Variants in PTPRN2 observed in about 807,000 individuals in gnomAD.
PTPRN2 encodes receptor-type tyrosine-protein phosphatase N2.
Under a neutral mutation model 118.8 loss-of-function variants are expected in PTPRN2, and 74 were observed. That is an observed-to-expected ratio of 0.62 (90% CI 0.52 to 0.76). The LOEUF is 0.76. Among genes scored for constraint, PTPRN2 ranks in the 30% least tolerant of loss-of-function variants. The pLI, the probability that PTPRN2 is intolerant of heterozygous loss-of-function variation, is 0.00. For synonymous variants in PTPRN2, 641 were observed against 608.0 expected (o/e 1.05, Z -0.80); for missense variants, 1,481 against 1,394.4 (o/e 1.06, Z -0.99).
intron 5 of PTPRN2, among the ~76,000 whole-genome samples, chr7:158,168,924 G>C (rs1484516917): frequency 6.6e-6 from 1 of 152,178 alleles, no homozygotes; most frequent in African/African-American, 2.4e-5. Context: ...ATAATTTCCA[G>C]CTTAGAGACT....
At chr7:158,519,820 C>A (rs1355519916) in intron 1 of PTPRN2, among the ~76,000 whole-genome samples, 1 of 152,154 alleles carries the variant, frequency 6.6e-6, no homozygotes, top group Non-Finnish European at 1.5e-5. Flanking sequence ...CCAATGCCTC[C>A]CCCATGGCAT....
chr7:158,050,512 C>A (rs1053695120), intron 11 of PTPRN2, among the ~76,000 whole-genome samples: 8 of 152,226 alleles, frequency 5.3e-5, no homozygotes, highest in African/African-American at 1.9e-4. Flanking sequence ...GGCATCCAGA[C>A]AGTCCTCTGG....
intron 12 of PTPRN2, among the ~76,000 whole-genome samples, chr7:157,762,518 C>A (rs189888831): frequency 3.4e-5 from 5 of 146,550 alleles, no homozygotes; most frequent in African/African-American, 1.3e-4. Context: ...ACCGCATATT[C>A]TCACTCATAG....
rs1796399319 is a variant in PTPRN2, at chr7:157,671,330, A to G, written c.2001+11395T>C. On this transcript the variant is annotated intron_variant, in intron 13 of 22. Transcript: ENST00000389418. This position sits in a 1 kb window ranked among gnomAD's most constrained non-coding sequence, Gnocchi z 4.1. ...CTGCCTCCATCCAACACAATGAGGA[A>G]GTCACCCTACACTGGAGGGATGGTG... is the stretch of plus-strand genomic sequence containing the variant. 6.6e-6 allele frequency among the ~76,000 whole-genome samples: 1 copy of G among 152,126 alleles called. No homozygotes were observed. Among genetic ancestry groups the G allele is most frequent in the South Asian group, 2.1e-4 (1 of 4,824 alleles).
intron 9 of PTPRN2, among the ~76,000 whole-genome samples, chr7:158,121,011 G>A (rs1817127404): frequency 2.6e-5 from 4 of 152,120 alleles, no homozygotes; most frequent in Admixed American, 2.0e-4. Context: ...CTCCTGGCAG[G>A]CAAGTGCGAT....
chr7:157,634,901 A>G (rs1199225227), intron 14 of PTPRN2, among the ~76,000 whole-genome samples: 2 of 152,254 alleles, frequency 1.3e-5, no homozygotes, highest in Admixed American at 1.3e-4. Flanking sequence ...GTCCTTGGAC[A>G]CCGCGTGTGG....
At chr7:157,919,815 C>A (rs1236227297) in intron 11 of PTPRN2, among the ~76,000 whole-genome samples, 1 of 152,226 alleles carries the variant, frequency 6.6e-6, no homozygotes, top group East Asian at 1.9e-4. Context: ...ACCACATACA[C>A]CCACAAGTGG....
At position 158,155,763 on chromosome 7, in the gene PTPRN2, T is replaced by C. The variant is rs80126477; in HGVS notation, c.910+11168A>G. ...ACCATCATCACCATCACCATCATCA[T>C]CACCATCAACACTATCATTACCATC... On this transcript the variant is annotated intron_variant, in intron 6 of 22. Coordinates refer to ENST00000389418, the MANE Select transcript of PTPRN2 (RefSeq NM_002847.5). Among the ~76,000 whole-genome samples the C allele has an allele frequency of 2.4e-3, 285 of 120,838 alleles. 1 individual carries two copies. The highest frequency in any genetic ancestry group is 4.6e-3 in the Middle Eastern group (1 of 218). 79.3% of individuals were successfully genotyped at this position (120,838 alleles called of 152,430 possible).
At chr7:158,268,635 A>G (rs1798068186) in intron 3 of PTPRN2, among the ~76,000 whole-genome samples, 1 of 141,452 alleles carries the variant, frequency 7.1e-6, no homozygotes, top group African/African-American at 2.7e-5. Context: ...GAAATATCCC[A>G]GCCGCACACA....
At chr7:158,042,586 C>G (rs1808555551) in intron 11 of PTPRN2, among the ~76,000 whole-genome samples, 1 of 152,238 alleles carries the variant, frequency 6.6e-6, no homozygotes, top group South Asian at 2.1e-4. Flanking sequence ...CCCGTCACGG[C>G]TGAGTTCACG....
At chr7:157,705,962 G>A (rs1798310807) in intron 12 of PTPRN2, among the ~76,000 whole-genome samples, 1 of 151,958 alleles carries the variant, frequency 6.6e-6, no homozygotes, top group African/African-American at 2.4e-5. Flanking sequence ...TGACGCCAGT[G>A]CCTTCCAGAT....
rs78480231 is a variant in PTPRN2, at chr7:158,209,221, C to T, written c.278-3948G>A. 7.1e-3 allele frequency among the ~76,000 whole-genome samples: 1,076 copies of T among 151,300 alleles called. 17 individuals are homozygous for T. The highest frequency in any genetic ancestry group is 0.025 in the African/African-American group (1,024 of 41,232). On this transcript the variant is annotated intron_variant, in intron 3 of 22. Coordinates refer to ENST00000389418, the MANE Select transcript of PTPRN2 (RefSeq NM_002847.5). ...TCTTACCTATCAATAATAACAAATACACATGGACTAAACTCTCCAATCAAA... is the reference window on the plus strand; with the variant it reads ...TCTTACCTATCAATAATAACAAATATACATGGACTAAACTCTCCAATCAAA...
chr7:158,339,371 G>C (rs1348105873), intron 2 of PTPRN2, among the ~76,000 whole-genome samples: 2 of 6,074 alleles, frequency 3.3e-4, no homozygotes, highest in East Asian at 1.8e-3. Context: ...CACCCACGCT[G>C]TCACCATAAG....
chr7:158,178,199 CCAT>C (rs1428219394), intron 5 of PTPRN2, among the ~76,000 whole-genome samples: 1 of 152,020 alleles, frequency 6.6e-6, no homozygotes, highest in Non-Finnish European at 1.5e-5. Flanking sequence ...AATCTTTTGC[CCAT>C]TTTTTAAATT....
At chr7:158,468,975 C>G (rs13311834) in intron 2 of PTPRN2, among the ~76,000 whole-genome samples, 55,302 of 91,964 alleles carry the variant, frequency 0.6, 19,657 homozygotes, top group Admixed American at 0.68. Flanking sequence ...TGGATCAACA[C>G]TATGCACACC....
intron 11 of PTPRN2, among the ~76,000 whole-genome samples, chr7:157,910,399 G>T (rs1388850697): frequency 7.2e-6 from 1 of 139,740 alleles, no homozygotes; most frequent in East Asian, 2.2e-4. Context: ...CGTGGGGACG[G>T]GTCCAGGATC....
intron 2 of PTPRN2, among the ~76,000 whole-genome samples, chr7:158,434,312 CT>C (rs756613728): frequency 7.2e-5 from 11 of 152,184 alleles, no homozygotes; most frequent in Non-Finnish European, 1.6e-4. Flanking sequence ...GCATTATTCT[CT>C]CCGGTAATTA....
intron 12 of PTPRN2, among the ~76,000 whole-genome samples, chr7:157,766,319 CCCATCCATCCTTCCTTCATCCATCCAT>C (rs63748973): frequency 0.012 from 1,769 of 149,820 alleles, 71 homozygotes; most frequent in East Asian, 0.096. Flanking sequence ...CATCCATCCA[CCCATCCATCCTTCCTTCATCCATCCAT>C]CCATCATCCA....
At chr7:157,852,068 C>T (rs1809319091) in intron 12 of PTPRN2, among the ~76,000 whole-genome samples, 1 of 152,240 alleles carries the variant, frequency 6.6e-6, no homozygotes, top group Non-Finnish European at 1.5e-5. Context: ...GCCTTAGAGG[C>T]AGGTCTGTTT....
Sources: allele counts gnomAD v4.1 joint callset (sites outside exome capture counted in the v4.1 genomes callset), GRCh38; gene constraint gnomAD v4.1.1; non-coding constraint Gnocchi (gnomAD v3.1); transcripts MANE v1.5; gene names NCBI Gene and HGNC (gene_info 2026-07-23, HGNC 2026-07-21).